The following SLCO1B1 variants were observed in gnomAD, a reference collection of about 807,000 sequenced individuals.
The protein encoded by SLCO1B1 is OATP-2.
A neutral mutation model predicts 70.1 loss-of-function variants in SLCO1B1; 81 were observed. The observed-to-expected ratio is 1.16, with a 90% CI of 0.97 to 1.39. The LOEUF (loss-of-function observed/expected upper bound fraction) is 1.39. Among genes scored for constraint, SLCO1B1 ranks in the 40% most tolerant of loss-of-function variants. SLCO1B1 has a pLI of 0.00. For missense variants in SLCO1B1, 895 were observed against 799.6 expected, an observed-to-expected ratio of 1.12 and a Z score of -1.44; for synonymous variants, 283 against 271.5, an observed-to-expected ratio of 1.04 and a Z score of -0.42.
At chr12:21,160,120 A>T (rs1465052940) in intron 2 of SLCO1B1, among the ~76,000 whole-genome samples, 2 of 151,378 alleles carry the variant, frequency 1.3e-5, no homozygotes, top group African/African-American at 4.8e-5. Context: ...AAAAAAAAAA[A>T]AAAAAACTAT....
intron 7 of SLCO1B1, among the ~76,000 whole-genome samples, chr12:21,181,949 C>G (rs1171640388): frequency 1.3e-5 from 2 of 152,078 alleles, no homozygotes. Flanking sequence ...AAAATATACA[C>G]AAATCTATTA....
chr12:21,199,470 T>C (rs968684015), intron 8 of SLCO1B1, among the ~76,000 whole-genome samples: 3 of 152,288 alleles, frequency 2.0e-5, no homozygotes. Flanking sequence ...ATAATACTAC[T>C]TGGGACACAA....
chr12:21,134,029 G>A (rs1940179118), intron 1 of SLCO1B1, among the ~76,000 whole-genome samples: 1 of 152,160 alleles, frequency 6.6e-6, no homozygotes, highest in Non-Finnish European at 1.5e-5. Context: ...TTTATTGAGA[G>A]TTTTTAGCAT....
rs111533515 is a variant in SLCO1B1, at chr12:21,144,785, G to T, written c.84+3127G>T. ...TCACCATCCTTAAAGAAAAGAAATTGCAACTAAGAATTTTATATTCTGCCA... is the reference window on the plus strand; with the variant it reads ...TCACCATCCTTAAAGAAAAGAAATTTCAACTAAGAATTTTATATTCTGCCA... On this transcript the variant is annotated intron_variant, in intron 2 of 14. Transcript: ENST00000256958. Among the ~76,000 whole-genome samples, 14 of 152,180 alleles carry T rather than the reference G, an allele frequency of 9.2e-5. 1 individual carries two copies. Among genetic ancestry groups the T allele is most frequent in the Admixed American group, 3.3e-4 (5 of 15,268 alleles).
chr12:21,134,769 G>A (rs140281477), intron 1 of SLCO1B1, among the ~76,000 whole-genome samples: 2,200 of 151,896 alleles, frequency 0.014, 49 homozygotes, highest in African/African-American at 0.05. Context: ...TTTTGTTGAT[G>A]CTTTCAAAAA....
intron 14 of SLCO1B1, among the ~76,000 whole-genome samples, chr12:21,225,890 C>A (rs1941477100): frequency 6.6e-6 from 1 of 152,132 alleles, no homozygotes; most frequent in East Asian, 1.9e-4. Flanking sequence ...AGTAATCATG[C>A]ACCTAGGTAT....
At position 21,227,951 on chromosome 12, in the gene SLCO1B1, A is replaced by G. The variant is rs1003990734; in HGVS notation, c.1865+3112A>G. 5.3e-5 allele frequency among the ~76,000 whole-genome samples: 8 copies of G among 152,234 alleles called. No homozygotes were observed. In the East Asian group the frequency reaches 1.3e-3, roughly 26 times the overall value. On this transcript the variant is annotated intron_variant, in intron 14 of 14. Coordinates refer to ENST00000256958, the MANE Select transcript of SLCO1B1 (RefSeq NM_006446.5). The stretch of plus-strand genomic sequence containing the variant: ...CTGGTATAGTATCCAAATTTTTAAT[A>G]TACTGCAAAGACCATTGTGATAACA...
At chr12:21,171,537 T>C (rs1043003652) in intron 2 of SLCO1B1, among the ~76,000 whole-genome samples, 2 of 152,194 alleles carry the variant, frequency 1.3e-5, no homozygotes, top group South Asian at 2.1e-4. Flanking sequence ...GAGAAGAGAC[T>C]GTTAGGCAGA....
intron 1 of SLCO1B1, among the ~76,000 whole-genome samples, chr12:21,134,863 T>G (rs1178595665): frequency 6.6e-6 from 1 of 152,208 alleles, no homozygotes; most frequent in Non-Finnish European, 1.5e-5. Flanking sequence ...AGTTATTTCT[T>G]GCCTTCTGCT....
chr12:21,210,978 T>C (rs1260816629), intron 11 of SLCO1B1, among the ~76,000 whole-genome samples: 1 of 152,146 alleles, frequency 6.6e-6, no homozygotes, highest in African/African-American at 2.4e-5. Flanking sequence ...AATGGGGTTT[T>C]CTAGATATAC....
intron 11 of SLCO1B1, 64 bp from the exon 12 acceptor site, chr12:21,217,055 T>C (rs1941366804): frequency 2.6e-6 from 3 of 1,172,908 alleles, no homozygotes; most frequent in Admixed American, 1.7e-5. Flanking sequence ...TATAATGCAA[T>C]GTATTTGCAG....
intron 11 of SLCO1B1, among the ~76,000 whole-genome samples, chr12:21,208,529 G>T (rs79868023): frequency 0.039 from 5,882 of 151,958 alleles, 154 homozygotes; most frequent in Non-Finnish European, 0.054. Flanking sequence ...TGGTTACTGT[G>T]GCCTTGCAGT....
chr12:21,236,434 A>T (rs76886319), intron 14 of SLCO1B1, among the ~76,000 whole-genome samples: 2,421 of 152,264 alleles, frequency 0.016, 62 homozygotes, highest in African/African-American at 0.054. Context: ...AGATGCACCA[A>T]CAGTATGGCA....
chr12:21,163,962 G>A (rs1940655376), intron 2 of SLCO1B1, among the ~76,000 whole-genome samples: 2 of 151,682 alleles, frequency 1.3e-5, no homozygotes, highest in African/African-American at 4.8e-5. Flanking sequence ...AAATGTAACA[G>A]CCAGAATAAC....
At position 21,178,636 on chromosome 12, in the gene SLCO1B1, G is replaced by A. The variant is rs142101690; in HGVS notation, c.542G>A (p.Arg181His). ...WIYVFMGNML[R>H]GIGETPIVPL... ...TATGTGTTCATGGGTAATATGCTTCGTGGAATAGGGGAGACTCCCATAGTA... is the reference window on the plus strand; with the variant it reads ...TATGTGTTCATGGGTAATATGCTTCATGGAATAGGGGAGACTCCCATAGTA... The change falls in exon 6 of 15, where the codon CGT (arginine) becomes CAT (histidine). Residue 181 changes from arginine to histidine, a missense_variant. Arg to His is a conservative substitution (Grantham distance 29). Coordinates refer to ENST00000256958, the MANE Select transcript of SLCO1B1 (RefSeq NM_006446.5). 2.8e-5 allele frequency: 45 copies of A among 1,607,868 alleles called. 1 individual carries two copies. The highest frequency in any genetic ancestry group is 1.8e-4 in the South Asian group (16 of 90,966).
At chr12:21,221,470 G>C (rs1003852274) in intron 12 of SLCO1B1, among the ~76,000 whole-genome samples, 4 of 152,066 alleles carry the variant, frequency 2.6e-5, no homozygotes, top group African/African-American at 9.6e-5. Flanking sequence ...AATCAACAGA[G>C]TAAACAGACA....
intron 11 of SLCO1B1, among the ~76,000 whole-genome samples, chr12:21,210,550 T>C (rs1356680406): frequency 2.1e-5 from 3 of 140,210 alleles, no homozygotes; most frequent in Non-Finnish European, 4.7e-5. Context: ...ATGTGGGCTC[T>C]TTTTTGGTTC....
At chr12:21,205,758 C>T in intron 10 of SLCO1B1, 110 bp from the exon 11 acceptor site, 7 of 678,940 alleles carry the variant, frequency 1.0e-5, no homozygotes, top group Non-Finnish European at 1.6e-5. Flanking sequence ...TCTTTATCTA[C>T]TTTTTTTCCC....
intron 2 of SLCO1B1, among the ~76,000 whole-genome samples, chr12:21,169,691 A>G (rs1339472103): frequency 6.6e-6 from 1 of 151,694 alleles, no homozygotes; most frequent in Non-Finnish European, 1.5e-5. Flanking sequence ...TTCAAGTTCT[A>G]TGTCTGGCAA....
Sources: gnomAD v4.1 joint callset for allele counts (sites outside exome capture counted in the v4.1 genomes callset) on GRCh38, gnomAD v4.1.1 for gene constraint, MANE v1.5 for transcripts, NCBI Gene and HGNC (gene_info 2026-07-23, HGNC 2026-07-21) for gene names.